The following CALCR variants were observed in gnomAD, a reference collection of about 807,000 sequenced individuals.
The protein encoded by CALCR is calcitonin receptor.
A neutral mutation model predicts 59.5 loss-of-function variants in CALCR; 47 were observed. The observed-to-expected ratio is 0.79, with a 90% confidence interval of 0.63 to 1.01. The LOEUF is 1.01. Among genes scored for constraint, CALCR ranks in the 50% least tolerant of loss-of-function variants. The probability of loss-of-function intolerance (pLI) is 0.00; values close to 1 mark genes in which losing one functional copy is unlikely to be tolerated. For missense variants in CALCR, 566 were observed against 597.1 expected, an observed-to-expected ratio of 0.95 and a Z score of 0.54; for synonymous variants, 213 against 211.3, an observed-to-expected ratio of 1.01 and a Z score of -0.07.
chr7:93,507,913 A>G (rs1801461207), intron 2 of CALCR, among the ~76,000 whole-genome samples: 1 of 150,796 alleles, frequency 6.6e-6, no homozygotes, highest in Admixed American at 6.6e-5. Context: ...ACAGAGTGAG[A>G]CTCCATCTCA....
At chr7:93,541,966 G>A (rs1293185728) in intron 2 of CALCR, among the ~76,000 whole-genome samples, 1 of 152,000 alleles carries the variant, frequency 6.6e-6, no homozygotes, top group Admixed American at 6.6e-5. Context: ...AACACAGTAT[G>A]GCTGATTACA....
chr7:93,454,984 C>T (rs1584548523), intron 8 of CALCR, among the ~76,000 whole-genome samples: 1 of 146,452 alleles, frequency 6.8e-6, no homozygotes, highest in South Asian at 2.2e-4. Flanking sequence ...AAAATAATAA[C>T]CAAAGAAAAA....
chr7:93,512,318 G>A (rs909340222), intron 2 of CALCR, among the ~76,000 whole-genome samples: 2 of 152,078 alleles, frequency 1.3e-5, no homozygotes, highest in Non-Finnish European at 2.9e-5. Flanking sequence ...CAACTCAAGT[G>A]CATCCCAGAG....
chr7:93,503,357 A>T (rs186309157), intron 2 of CALCR, among the ~76,000 whole-genome samples: 3 of 152,140 alleles, frequency 2.0e-5, no homozygotes, highest in Non-Finnish European at 4.4e-5. Context: ...AAGTTAACAT[A>T]TCATGAATAC....
chr7:93,564,207 T>A (rs1384788799), intron 2 of CALCR, among the ~76,000 whole-genome samples: 1 of 152,016 alleles, frequency 6.6e-6, no homozygotes, highest in Non-Finnish European at 1.5e-5. Context: ...TTTCCGAGAA[T>A]CTACCAGAAA....
intron 2 of CALCR, among the ~76,000 whole-genome samples, chr7:93,537,816 G>T (rs1454837850): frequency 6.6e-6 from 1 of 151,598 alleles, no homozygotes; most frequent in Non-Finnish European, 1.5e-5. Flanking sequence ...CTACATATTT[G>T]ATATGTTTGT....
At chr7:93,495,637 A>G (rs950040017) in intron 2 of CALCR, among the ~76,000 whole-genome samples, 5 of 151,380 alleles carry the variant, frequency 3.3e-5, no homozygotes, top group Non-Finnish European at 4.4e-5. Context: ...GAATAGGAGA[A>G]GTATACAAGA....
intron 2 of CALCR, among the ~76,000 whole-genome samples, chr7:93,553,980 G>A (rs1001526740): frequency 6.6e-6 from 1 of 152,142 alleles, no homozygotes; most frequent in African/African-American, 2.4e-5. Context: ...GAGATCTAGA[G>A]CAGACAAATG....
intron 7 of CALCR, among the ~76,000 whole-genome samples, chr7:93,466,263 G>C (rs184237326): frequency 6.8e-4 from 104 of 151,862 alleles, no homozygotes; most frequent in Admixed American, 1.9e-3. Flanking sequence ...GATCTTAAAG[G>C]TGATGGTGAT....
intron 8 of CALCR, among the ~76,000 whole-genome samples, chr7:93,455,508 A>C (rs1800192706): frequency 1.3e-5 from 2 of 151,912 alleles, no homozygotes; most frequent in South Asian, 4.2e-4. Context: ...CAGTTTTTCA[A>C]GAAAAATTCA....
At chr7:93,430,849 T>C (rs1057462256) in intron 13 of CALCR, among the ~76,000 whole-genome samples, 1 of 152,182 alleles carries the variant, frequency 6.6e-6, no homozygotes, top group Non-Finnish European at 1.5e-5. Context: ...ACACTCAAGT[T>C]TGAGAATACT....
In CALCR at chr7:93,511,061, G is replaced by GA. The variant is rs571803541; in HGVS notation, c.-26-24055dup. On this transcript the variant is annotated intron_variant, in intron 2 of 13. Coordinates refer to ENST00000426151, the MANE Select transcript of CALCR (RefSeq NM_001742.4). The stretch of plus-strand genomic sequence containing the variant: ...AGAGAAGTGTAAAAACATGCTTAGT[G>GA]AAAAAAACCCTCTCTCTCTTTCTCT... 2.4e-3 allele frequency among the ~76,000 whole-genome samples: 368 copies of GA among 150,748 alleles called. 4 individuals carry two copies. The highest frequency in any genetic ancestry group is 8.5e-3 in the African/African-American group (349 of 41,060).
chr7:93,506,388 C>A (rs1395581376), intron 2 of CALCR, among the ~76,000 whole-genome samples: 1 of 152,084 alleles, frequency 6.6e-6, no homozygotes, highest in African/African-American at 2.4e-5. Flanking sequence ...AGGTGTGTTT[C>A]TCATTTGCAC....
At chr7:93,432,818 A>G (rs1799685494) in intron 13 of CALCR, among the ~76,000 whole-genome samples, 1 of 152,232 alleles carries the variant, frequency 6.6e-6, no homozygotes, top group Non-Finnish European at 1.5e-5. Flanking sequence ...AAACAACCCA[A>G]AAGGCATGGA....
rs1348622314 is a variant in CALCR, at chr7:93,477,556, A to G, written c.316+2T>C. 1.9e-6 allele frequency: 3 copies of G among 1,583,972 alleles called. No homozygotes were observed. Among genetic ancestry groups the G allele is most frequent in the Non-Finnish European group, 2.6e-6 (3 of 1,154,100 alleles). ...AACATAAAATGAAAATAAACACTCT[A>G]CCTGATGGATCAAAATCCGGAAAAT... On this transcript the variant is annotated splice_donor_variant, in intron 5 of 13. Transcript: ENST00000426151. LOFTEE classifies it high-confidence loss of function.
chr7:93,566,528 C>T (rs1039049737), intron 2 of CALCR, among the ~76,000 whole-genome samples: 12 of 152,116 alleles, frequency 7.9e-5, no homozygotes, highest in Non-Finnish European at 5.9e-5. Flanking sequence ...AATAAAGAAA[C>T]GTCTAAGTCG....
intron 2 of CALCR, among the ~76,000 whole-genome samples, chr7:93,518,746 T>A (rs1450117951): frequency 2.0e-5 from 3 of 151,964 alleles, no homozygotes; most frequent in African/African-American, 7.2e-5. Context: ...TTAAAAAGAA[T>A]GAGATCAATC....
In CALCR at chr7:93,553,330, G is replaced by T. The variant is rs535506371; in HGVS notation, c.-27+20959C>A. ...CTGCTCAACAAGGGAAGAGCTGGGA[G>T]ATCCTGAGGAGGTACTGGGTATTAA... is the stretch of plus-strand genomic sequence containing the variant. On this transcript the variant is annotated intron_variant, in intron 2 of 13. Coordinates refer to ENST00000426151, the MANE Select transcript of CALCR (RefSeq NM_001742.4). Among the ~76,000 whole-genome samples, 140 of 152,278 alleles carry T rather than the reference G, an allele frequency of 9.2e-4. 3 individuals are homozygous for T. The South Asian group carries it at 0.023, about 25-fold the overall frequency.
Position 93,502,546 on chromosome 7 carries a change from G to A in CALCR, c.-26-15539C>T, listed in dbSNP as rs531734633. 1.1e-4 allele frequency among the ~76,000 whole-genome samples: 16 copies of A among 152,094 alleles called. No individual in the cohort carries two copies. The South Asian group carries it at 3.3e-3, about 32-fold the overall frequency. On this transcript the variant is annotated intron_variant, in intron 2 of 13. Coordinates refer to ENST00000426151, the MANE Select transcript of CALCR (RefSeq NM_001742.4). ...TTCGCTGTATTAACATTATAAGTTT[G>A]TAAGCTGTAAACAACTCTATATGCC...
Sources: allele counts gnomAD v4.1 joint callset (sites outside exome capture counted in the v4.1 genomes callset), GRCh38; gene constraint gnomAD v4.1.1; transcripts MANE v1.5; gene names NCBI Gene and HGNC (gene_info 2026-07-23, HGNC 2026-07-21).